The following GTF2IRD1 variants were observed in gnomAD, a reference collection of about 807,000 sequenced individuals.
GTF2IRD1 encodes general transcription factor II-I repeat domain-containing protein 1.
In GTF2IRD1, 26 loss-of-function variants were observed where a neutral mutation model predicts 113.2. That is an observed-to-expected ratio of 0.23 (90% CI 0.17 to 0.32). The LOEUF is 0.32. GTF2IRD1 is among the 10% of genes least tolerant of loss of function. GTF2IRD1 has a pLI of 1.00. For synonymous variants in GTF2IRD1, 484 were observed against 529.1 expected (o/e 0.91, Z 1.17); for missense variants, 864 against 1,280.8 (o/e 0.67, Z 4.97).
intron 22 of GTF2IRD1, among the ~76,000 whole-genome samples, chr7:74,560,791 G>A (rs782215922): frequency 2.0e-5 from 3 of 151,788 alleles, no homozygotes; most frequent in Non-Finnish European, 2.9e-5. Context: ...ATATTGGCTA[G>A]GCTGGTCTCA....
chr7:74,543,218 C>A (rs1487740108), intron 14 of GTF2IRD1, among the ~76,000 whole-genome samples: 3 of 152,236 alleles, frequency 2.0e-5, no homozygotes, highest in Admixed American at 2.0e-4. Context: ...AGGAGAATCA[C>A]TTGAACCCAG....
intron 1 of GTF2IRD1, among the ~76,000 whole-genome samples, chr7:74,468,823 G>A (rs917172903): frequency 3.3e-5 from 5 of 151,042 alleles, no homozygotes; most frequent in South Asian, 2.1e-4. Flanking sequence ...GGTGGCTCAC[G>A]CCTGTAATCC....
chr7:74,537,638 G>A (rs765473028), intron 11 of GTF2IRD1, among the ~76,000 whole-genome samples: 10 of 152,088 alleles, frequency 6.6e-5, no homozygotes, highest in East Asian at 1.9e-4. Context: ...GGGGTGGGCC[G>A]TTTATCCCAG....
rs587690328 is a variant in GTF2IRD1 at position 74,602,492 on chromosome 7, C to T, written c.*59C>T. ...GACTAAAGGAAATGTAATTTATGTA[C>T]AAAATGTATATTCGGATATGTATCG... On this transcript the variant is annotated 3_prime_UTR_variant, in exon 27 of 27. Coordinates refer to ENST00000424337, the MANE Select transcript of GTF2IRD1 (RefSeq NM_005685.4). 3.0e-5 allele frequency: 42 copies of T among 1,420,462 alleles called. No individual in the cohort carries two copies. The East Asian group carries it at 9.4e-4, about 32-fold the overall frequency. 88.0% of individuals were successfully genotyped at this position (1,420,462 alleles called of 1,614,324 possible). A position where few individuals can be genotyped will look rare whatever the true frequency, so the allele number is the denominator to read the frequency against.
At chr7:74,526,938 A>G (rs1797635960) in intron 8 of GTF2IRD1, among the ~76,000 whole-genome samples, 1 of 152,156 alleles carries the variant, frequency 6.6e-6, no homozygotes, top group African/African-American at 2.4e-5. Context: ...CATCAACAGG[A>G]AAACAGTGTC....
intron 1 of GTF2IRD1, among the ~76,000 whole-genome samples, chr7:74,485,977 C>CT (rs201871259): frequency 0.029 from 4,261 of 145,632 alleles, 193 homozygotes; most frequent in African/African-American, 0.097. Flanking sequence ...GAATCTGTTT[C>CT]TTTTTTTTTT....
intron 7 of GTF2IRD1, among the ~76,000 whole-genome samples, chr7:74,522,868 A>G (rs1797372370): frequency 6.6e-6 from 1 of 152,226 alleles, no homozygotes; most frequent in Non-Finnish European, 1.5e-5. Flanking sequence ...TAGCACAGAT[A>G]AGCACTTAAC....
intron 24 of GTF2IRD1, among the ~76,000 whole-genome samples, chr7:74,592,565 G>A (rs1277511837): frequency 1.3e-5 from 2 of 148,474 alleles, no homozygotes; most frequent in African/African-American, 5.0e-5. Flanking sequence ...ATGGAGTTTT[G>A]CTCTTGTTAC....
intron 22 of GTF2IRD1, among the ~76,000 whole-genome samples, chr7:74,588,849 CAT>C (rs1182069451): frequency 3.3e-5 from 5 of 152,130 alleles, no homozygotes; most frequent in Non-Finnish European, 1.5e-5. Context: ...CCCATTCAAG[CAT>C]CCTTCTCTCT....
At position 74,524,026 on chromosome 7, in the gene GTF2IRD1, C is replaced by T. The variant is rs200119922; in HGVS notation, c.1007-45C>T. On this transcript the variant is annotated intron_variant, in intron 7 of 26. Transcript: ENST00000424337. ...TCATGGCCGGTGGAGGGCGTGTGAC[C>T]GTCCCGTGGGGCCCTGCTCACTTGT... 4,577 of 1,385,228 alleles carry T rather than the reference C, an allele frequency of 3.3e-3. 14 individuals carry two copies. The highest frequency in any genetic ancestry group is 4.0e-3 in the Non-Finnish European group (3,894 of 982,080). 85.8% of individuals were successfully genotyped at this position (1,385,228 alleles called of 1,614,324 possible). A position where few individuals can be genotyped will look rare whatever the true frequency, so the allele number is the denominator to read the frequency against.
At chr7:74,538,459 G>C (rs1798431264) in intron 12 of GTF2IRD1, among the ~76,000 whole-genome samples, 1 of 152,194 alleles carries the variant, frequency 6.6e-6, no homozygotes, top group South Asian at 2.1e-4. Flanking sequence ...TCCCCTCTGG[G>C]GGGCCTCAGT....
At chr7:74,572,548 C>A in intron 22 of GTF2IRD1, 1 of 979,388 alleles carries the variant, frequency 1.0e-6, no homozygotes, top group Non-Finnish European at 1.2e-6. Flanking sequence ...ATTTCTTTGA[C>A]GTGATACAGA....
At chr7:74,530,622 G>A (rs587741087) in intron 9 of GTF2IRD1, among the ~76,000 whole-genome samples, 7 of 148,874 alleles carry the variant, frequency 4.7e-5, no homozygotes, top group African/African-American at 1.2e-4. Context: ...CGGCAGGGGT[G>A]GGGGGAAGGG....
intron 22 of GTF2IRD1, among the ~76,000 whole-genome samples, chr7:74,575,808 C>T (rs993783051): frequency 2.5e-4 from 38 of 152,228 alleles, no homozygotes; most frequent in African/African-American, 9.1e-4. Context: ...AAGTTGGAAG[C>T]AAGTTGGGGC....
chr7:74,572,926 G>T (rs782629628), intron 22 of GTF2IRD1, among the ~76,000 whole-genome samples: 4 of 152,142 alleles, frequency 2.6e-5, no homozygotes, highest in African/African-American at 9.7e-5. Flanking sequence ...CTACTGCCGG[G>T]CCCAGAGTTG....
intron 22 of GTF2IRD1, among the ~76,000 whole-genome samples, chr7:74,578,938 GATC>G (rs1801245844): frequency 1.3e-5 from 2 of 150,670 alleles, no homozygotes; most frequent in South Asian, 4.2e-4. Flanking sequence ...AGTGAGCTGA[GATC>G]ATGCCACTGC....
At chr7:74,587,737 C>T (rs1403327159) in intron 22 of GTF2IRD1, among the ~76,000 whole-genome samples, 1 of 152,148 alleles carries the variant, frequency 6.6e-6, no homozygotes, top group East Asian at 1.9e-4. Flanking sequence ...ACCCCATCTC[C>T]AGCCCAACCC....
chr7:74,471,970 C>G (rs1256445756), intron 1 of GTF2IRD1, among the ~76,000 whole-genome samples: 1 of 152,108 alleles, frequency 6.6e-6, no homozygotes, highest in East Asian at 1.9e-4. Flanking sequence ...CCAGCCTAGG[C>G]GACAGAATGA....
intron 25 of GTF2IRD1, among the ~76,000 whole-genome samples, chr7:74,599,025 T>C (rs1246604919): frequency 1.3e-5 from 2 of 152,190 alleles, no homozygotes; most frequent in African/African-American, 4.8e-5. Context: ...CTGAGTGCAG[T>C]GGCTCACGCC....
Sources: allele counts gnomAD v4.1 joint callset (sites outside exome capture counted in the v4.1 genomes callset), GRCh38; gene constraint gnomAD v4.1.1; transcripts MANE v1.5; gene names NCBI Gene and HGNC (gene_info 2026-07-23, HGNC 2026-07-21).